DCX: variants seen among roughly 807,000 people sequenced by gnomAD.
DCX encodes the protein doublecortin, also known as neuronal migration protein doublecortin.
Under a neutral mutation model 20.9 loss-of-function variants are expected in DCX, and 4 were observed. The ratio of observed to expected loss-of-function variants is 0.19; its 90% confidence interval spans 0.09 to 0.44. The LOEUF is 0.44. DCX is among the 20% of genes least tolerant of loss of function. The probability of loss-of-function intolerance (pLI) is 0.99; values close to 1 mark genes in which losing one functional copy is unlikely to be tolerated. For synonymous variants in DCX, 103 were observed against 111.4 expected (o/e 0.92, Z 0.47); for missense variants, 133 against 296.9 (o/e 0.45, Z 4.06).
chrX:111,357,155 A>T lies in DCX; in HGVS notation c.706-24002T>A, dbSNP rs1193048767. On this transcript the variant is annotated intron_variant, in intron 3 of 6. Coordinates refer to ENST00000636035, the MANE Select transcript of DCX (RefSeq NM_001195553.2). ...TTTAGTTGAGCCCAAGGTTATTATG[A>T]ATCATCAAGATGGGTACAGTGGTTA... Among the ~76,000 whole-genome samples, 4 of 112,145 alleles carry T rather than the reference A, an allele frequency of 3.6e-5. No individual in the cohort carries two copies. In the Admixed American group the frequency reaches 3.8e-4, roughly 11 times the overall value.
chrX:111,352,927 C>T (rs1233535750), intron 3 of DCX, among the ~76,000 whole-genome samples: 1 of 109,573 alleles, frequency 9.1e-6, no homozygotes, highest in Non-Finnish European at 1.9e-5. Flanking sequence ...TGTCAACTGG[C>T]TTAAGTAGAG....
rs1928648928 is a variant in DCX at position 111,410,807 on chromosome X, A to C, written c.-22-387T>G. ...TCGGGCTAAATACATTAAAACTGGC[A>C]TCTGTTTCCTCACACATGCCCACAT... On this transcript the variant is annotated intron_variant, in intron 1 of 6. Coordinates refer to ENST00000636035, the MANE Select transcript of DCX (RefSeq NM_001195553.2). 1 of 1,211,216 alleles carries C rather than the reference A, an allele frequency of 8.3e-7. No homozygotes were observed.
At position 111,312,689 on chromosome X, in the gene DCX, ACTG is replaced by A; in HGVS notation, c.991_993del (p.Gln331del). ...GGACTGGTGGGCGTAGAGATGGGAG[ACTG>A]CTTAGACTTGGGGGTAGAGAGCTGG... On this transcript the variant is annotated inframe_deletion, in exon 6 of 7. Transcript: ENST00000636035. 1 of 1,211,557 alleles carries A rather than the reference ACTG, an allele frequency of 8.3e-7. No individual in the cohort carries two copies. Among genetic ancestry groups the A allele is most frequent in the East Asian group, 3.0e-5 (1 of 33,836 alleles).
At chrX:111,343,359 A>C (rs1224142580) in intron 3 of DCX, among the ~76,000 whole-genome samples, 1 of 109,181 alleles carries the variant, frequency 9.2e-6, no homozygotes, top group East Asian at 2.9e-4. Context: ...ACACCCTCCC[A>C]AGACTAAACC....
At chrX:111,383,109 C>A (rs761204573) in intron 3 of DCX, among the ~76,000 whole-genome samples, 1 of 110,853 alleles carries the variant, frequency 9.0e-6, no homozygotes, top group Non-Finnish European at 1.9e-5. Flanking sequence ...CAAAGACTCC[C>A]AAGCCAGGAA....
intron 3 of DCX, among the ~76,000 whole-genome samples, chrX:111,398,764 G>A (rs745932431): frequency 1.8e-5 from 2 of 111,496 alleles, no homozygotes; most frequent in East Asian, 5.7e-4. Flanking sequence ...GAATGCCAAG[G>A]CATGGTATAT....
At chrX:111,328,036 C>T (rs781596207) in intron 5 of DCX, among the ~76,000 whole-genome samples, 1 of 112,218 alleles carries the variant, frequency 8.9e-6, no homozygotes, top group Non-Finnish European at 1.9e-5. Context: ...TCATGAACAT[C>T]AGAATATAAA....
At chrX:111,332,266 C>T (rs1020080969) in intron 4 of DCX, among the ~76,000 whole-genome samples, 3 of 112,218 alleles carry the variant, frequency 2.7e-5, no homozygotes, top group African/African-American at 9.7e-5. Context: ...TTTAGCTATT[C>T]TATAGTCATT....
At chrX:111,314,528 G>C (rs1033384205) in intron 5 of DCX, among the ~76,000 whole-genome samples, 1 of 111,442 alleles carries the variant, frequency 9.0e-6, no homozygotes, top group Admixed American at 9.6e-5. Context: ...GTAGATTAAT[G>C]GTTTCCAAGG....
intron 3 of DCX, among the ~76,000 whole-genome samples, chrX:111,376,931 A>G (rs1373722615): frequency 1.8e-5 from 2 of 112,319 alleles, no homozygotes; most frequent in African/African-American, 6.5e-5. Context: ...TGAATTTCTC[A>G]TTGCTTATCT....
chrX:111,372,337 T>C (rs1056798145), intron 3 of DCX, among the ~76,000 whole-genome samples: 2 of 111,903 alleles, frequency 1.8e-5, no homozygotes, highest in African/African-American at 6.5e-5. Context: ...ATTGGTTACA[T>C]CATCGGCATC....
In DCX at chrX:111,364,534, CAT is replaced by C. The variant is rs751864405; in HGVS notation, c.706-31383_706-31382del. The stretch of plus-strand genomic sequence containing the variant: ...TGATAGTAGCTGATAAAATTTTAAA[CAT>C]GTGTGTTCCATAAACCAGCATTTTT... On this transcript the variant is annotated intron_variant, in intron 3 of 6. Coordinates refer to ENST00000636035, the MANE Select transcript of DCX (RefSeq NM_001195553.2). 4.8e-4 allele frequency among the ~76,000 whole-genome samples: 54 copies of C among 112,120 alleles called. 1 individual carries two copies. In the East Asian group the frequency reaches 0.012, roughly 25 times the overall value.
intron 5 of DCX, among the ~76,000 whole-genome samples, chrX:111,321,308 C>G (rs140200819): frequency 0.017 from 1,866 of 111,881 alleles, 45 homozygotes; most frequent in African/African-American, 0.057. Flanking sequence ...TGTCAACCCT[C>G]TCAGTTGGTG....
At position 111,300,189 on chromosome X, in the gene DCX, C is replaced by T. The variant is rs888971411; in HGVS notation, c.*1498G>A. The stretch of plus-strand genomic sequence containing the variant: ...AATCTTCATATCTGCTAAAAGCAAA[C>T]ACAGAATTGGCATGCATGACCTTCA... On this transcript the variant is annotated 3_prime_UTR_variant, in exon 7 of 7. Coordinates refer to ENST00000636035, the MANE Select transcript of DCX (RefSeq NM_001195553.2). 1 of 111,853 alleles carries T rather than the reference C, an allele frequency of 8.9e-6. No individual in the cohort carries two copies. Among genetic ancestry groups the T allele is most frequent in the Non-Finnish European group, 1.9e-5 (1 of 53,181 alleles). The allele number at this position is 111,853 out of a possible 1,213,427, so 9.2% of individuals were successfully genotyped here.
At chrX:111,360,239 T>C (rs1041681275) in intron 3 of DCX, among the ~76,000 whole-genome samples, 2 of 112,138 alleles carry the variant, frequency 1.8e-5, no homozygotes, top group Non-Finnish European at 3.8e-5. Context: ...TGTGGTACTT[T>C]ACAATGAAGT....
chrX:111,319,161 G>A (rs2095080898), intron 5 of DCX, among the ~76,000 whole-genome samples: 2 of 112,035 alleles, frequency 1.8e-5, no homozygotes, highest in African/African-American at 6.5e-5. Context: ...TTCTGAAGGA[G>A]AGTCACAGAA....
chrX:111,309,117 C>T (rs761546457), intron 6 of DCX, among the ~76,000 whole-genome samples: 1 of 112,277 alleles, frequency 8.9e-6, no homozygotes, highest in African/African-American at 3.2e-5. Context: ...GGATTTACTT[C>T]GTGTCCATAT....
intron 3 of DCX, among the ~76,000 whole-genome samples, chrX:111,380,373 A>G (rs549637942): frequency 9.0e-6 from 1 of 111,710 alleles, no homozygotes; most frequent in Non-Finnish European, 1.9e-5. Flanking sequence ...ATTTAACTTC[A>G]TTCTTGTCCA....
chrX:111,347,233 G>A (rs955366095), intron 3 of DCX, among the ~76,000 whole-genome samples: 1 of 112,013 alleles, frequency 8.9e-6, no homozygotes, highest in Admixed American at 9.5e-5. Context: ...AGTGATCACT[G>A]TCCTCTGCAT....
Sources: allele counts gnomAD v4.1 joint callset (sites outside exome capture counted in the v4.1 genomes callset), GRCh38; gene constraint gnomAD v4.1.1; transcripts MANE v1.5; gene names NCBI Gene and HGNC (gene_info 2026-07-23, HGNC 2026-07-21).